ZNF385B: variants seen among roughly 807,000 people sequenced by gnomAD.
The protein encoded by ZNF385B is zinc finger protein 385B.
In ZNF385B, 23 loss-of-function variants were observed where a neutral mutation model predicts 39.2. That is an observed-to-expected ratio of 0.59 (90% CI 0.42 to 0.83). The LOEUF is 0.83. Among genes scored for constraint, ZNF385B ranks in the 40% least tolerant of loss-of-function variants. ZNF385B has a pLI of 0.00. For synonymous variants in ZNF385B, 205 were observed against 222.6 expected, an observed-to-expected ratio of 0.92 and a Z score of 0.70; for missense variants, 552 against 598.9, an observed-to-expected ratio of 0.92 and a Z score of 0.82.
At chr2:179,807,045 C>A (rs1028566677) in intron 1 of ZNF385B, among the ~76,000 whole-genome samples, 3 of 152,158 alleles carry the variant, frequency 2.0e-5, no homozygotes, top group African/African-American at 7.2e-5. Context: ...AATGACAGAG[C>A]AGTTTCACTT....
intron 3 of ZNF385B, among the ~76,000 whole-genome samples, chr2:179,737,671 T>C (rs1701847108): frequency 6.6e-6 from 1 of 152,210 alleles, no homozygotes; most frequent in Non-Finnish European, 1.5e-5. Flanking sequence ...CTAGGATAAT[T>C]TCTGATTACA....
chr2:179,779,186 G>A (rs972598200), intron 1 of ZNF385B, among the ~76,000 whole-genome samples: 3 of 152,154 alleles, frequency 2.0e-5, no homozygotes, highest in African/African-American at 7.2e-5. Flanking sequence ...CCTTGGTCAG[G>A]GCAGTCAGAC....
intron 3 of ZNF385B, among the ~76,000 whole-genome samples, chr2:179,604,036 C>G (rs1399691712): frequency 6.6e-6 from 1 of 152,166 alleles, no homozygotes; most frequent in East Asian, 1.9e-4. Context: ...AATAATGCTA[C>G]ATTCTTCACC....
At position 179,766,030 on chromosome 2, in the gene ZNF385B, TCACA is replaced by T. The variant is rs71029829; in HGVS notation, c.298+3469_298+3472del. 5.2e-3 allele frequency among the ~76,000 whole-genome samples: 739 copies of T among 140,890 alleles called. 6 individuals carry two copies. The highest frequency in any genetic ancestry group is 0.026 in the East Asian group (120 of 4,582). 92.4% of individuals were successfully genotyped at this position (140,890 alleles called of 152,430 possible). ...TCCCTTGCTCACTTTGGTACATTGA[TCACA>T]CACACACACACACACACACACACAC... On this transcript the variant is annotated intron_variant, in intron 3 of 9. Coordinates refer to ENST00000410066, the MANE Select transcript of ZNF385B (RefSeq NM_152520.6).
At chr2:179,812,005 G>C (rs1444049432) in intron 1 of ZNF385B, among the ~76,000 whole-genome samples, 1 of 152,072 alleles carries the variant, frequency 6.6e-6, no homozygotes, top group Non-Finnish European at 1.5e-5. Context: ...TTTCTCAAAA[G>C]AAGACATACA....
chr2:179,859,779 A>G (rs1559258860), intron 1 of ZNF385B, among the ~76,000 whole-genome samples: 2 of 152,342 alleles, frequency 1.3e-5, no homozygotes, highest in East Asian at 3.9e-4. Context: ...AGAACTTGCA[A>G]TGCTGTATTT....
chr2:179,795,013 T>C (rs1575504216), intron 1 of ZNF385B, among the ~76,000 whole-genome samples: 1 of 151,986 alleles, frequency 6.6e-6, no homozygotes, highest in Non-Finnish European at 1.5e-5. Flanking sequence ...AGAACAGTAA[T>C]ATGTCTTGCA....
intron 3 of ZNF385B, among the ~76,000 whole-genome samples, chr2:179,700,602 C>T (rs1026380246): frequency 6.6e-6 from 1 of 152,154 alleles, no homozygotes; most frequent in African/African-American, 2.4e-5. Flanking sequence ...CAAAGAAAGA[C>T]AATTCGTCTT....
At chr2:179,713,758 T>C (rs1276880118) in intron 3 of ZNF385B, among the ~76,000 whole-genome samples, 3 of 152,174 alleles carry the variant, frequency 2.0e-5, no homozygotes, top group Non-Finnish European at 4.4e-5. Flanking sequence ...AAGCCTCTAG[T>C]TGGGTAAGGA....
chr2:179,639,116 G>C (rs1007293714), intron 3 of ZNF385B, among the ~76,000 whole-genome samples: 5 of 150,870 alleles, frequency 3.3e-5, no homozygotes, highest in Admixed American at 1.3e-4. Context: ...CAGCTACCCA[G>C]AAGGCTGAGG....
chr2:179,810,841 G>A (rs991554455), intron 1 of ZNF385B, among the ~76,000 whole-genome samples: 4 of 151,916 alleles, frequency 2.6e-5, no homozygotes, highest in African/African-American at 9.7e-5. Flanking sequence ...ATTCAAGAAG[G>A]AAAATGGGAA....
chr2:179,572,176 G>A (rs1685295594), intron 3 of ZNF385B, among the ~76,000 whole-genome samples: 1 of 151,966 alleles, frequency 6.6e-6, no homozygotes, highest in African/African-American at 2.4e-5. Flanking sequence ...AGGTGTCTAG[G>A]AATTCTAAAA....
intron 1 of ZNF385B, among the ~76,000 whole-genome samples, chr2:179,856,985 A>C (rs1021446006): frequency 1.3e-5 from 2 of 152,214 alleles, no homozygotes; most frequent in Non-Finnish European, 2.9e-5. Flanking sequence ...TGCTTCTCAA[A>C]GCGTGGTTCA....
chr2:179,780,130 G>C (rs1282382859), intron 1 of ZNF385B, among the ~76,000 whole-genome samples: 1 of 152,056 alleles, frequency 6.6e-6, no homozygotes, highest in African/African-American at 2.4e-5. Flanking sequence ...TTTGAGAGTA[G>C]GTTCTTTTCT....
chr2:179,671,354 G>A (rs760641064), intron 3 of ZNF385B, among the ~76,000 whole-genome samples: 3 of 152,194 alleles, frequency 2.0e-5, no homozygotes, highest in Non-Finnish European at 4.4e-5. Context: ...TTAGTAAAAT[G>A]TGAGAAGAGA....
intron 1 of ZNF385B, among the ~76,000 whole-genome samples, chr2:179,824,937 T>TA (rs1300950388): frequency 1.3e-5 from 2 of 151,944 alleles, no homozygotes; most frequent in African/African-American, 4.8e-5. Flanking sequence ...ACAAGGGAAG[T>TA]ACCTAATCAA....
chr2:179,573,649 C>T (rs537905577), intron 3 of ZNF385B, among the ~76,000 whole-genome samples: 61 of 151,902 alleles, frequency 4.0e-4, no homozygotes, highest in Non-Finnish European at 8.1e-4. Flanking sequence ...AACTTTTTAA[C>T]AATTGTGCTA....
intron 3 of ZNF385B, among the ~76,000 whole-genome samples, chr2:179,593,694 T>C (rs1327480901): frequency 6.6e-6 from 1 of 152,200 alleles, no homozygotes; most frequent in Non-Finnish European, 1.5e-5. Context: ...TCAACTACTG[T>C]CAACATTTTT....
chr2:179,743,430 T>C (rs1702191123), intron 3 of ZNF385B, among the ~76,000 whole-genome samples: 1 of 152,096 alleles, frequency 6.6e-6, no homozygotes, highest in Non-Finnish European at 1.5e-5. Context: ...TTTACATGTG[T>C]AATCACTTAA....
Sources: allele counts gnomAD v4.1 joint callset (sites outside exome capture counted in the v4.1 genomes callset), GRCh38; gene constraint gnomAD v4.1.1; transcripts MANE v1.5; gene names NCBI Gene and HGNC (gene_info 2026-07-23, HGNC 2026-07-21).